Variants in GPC6 observed in about 807,000 individuals in gnomAD.
The protein encoded by GPC6 is glypican 6.
A neutral mutation model predicts 55.2 loss-of-function variants in GPC6; 14 were observed. The observed-to-expected ratio is 0.25, with a 90% CI of 0.17 to 0.40. The LOEUF (loss-of-function observed/expected upper bound fraction) is 0.40. Among genes scored for constraint, GPC6 ranks in the 10% least tolerant of loss-of-function variants. GPC6 has a pLI of 1.00. For synonymous variants in GPC6, 278 were observed against 259.6 expected (o/e 1.07, Z -0.68); for missense variants, 641 against 708.5 (o/e 0.90, Z 1.08).
intron 2 of GPC6, among the ~76,000 whole-genome samples, chr13:93,586,537 G>A (rs1387988447): frequency 6.6e-6 from 1 of 152,156 alleles, no homozygotes; most frequent in African/African-American, 2.4e-5. Flanking sequence ...TCAAAAAATG[G>A]TGCTGGGATA....
intron 1 of GPC6, among the ~76,000 whole-genome samples, chr13:93,231,397 GTA>G (rs71123471): frequency 0.022 from 1,021 of 45,628 alleles, 29 homozygotes; most frequent in Middle Eastern, 0.1. Context: ...ATATATATAT[GTA>G]TATATATATA....
intron 1 of GPC6, among the ~76,000 whole-genome samples, chr13:93,389,921 A>C (rs1320026680): frequency 6.6e-6 from 1 of 152,190 alleles, no homozygotes; most frequent in Non-Finnish European, 1.5e-5. Flanking sequence ...CAGACTTTAA[A>C]GGAATAGTGA....
At chr13:93,530,397 C>T (rs957140627) in intron 1 of GPC6, among the ~76,000 whole-genome samples, 5 of 152,104 alleles carry the variant, frequency 3.3e-5, no homozygotes, top group African/African-American at 1.2e-4. Flanking sequence ...TGTACTTTGG[C>T]AGTCAGAAAT....
At chr13:93,490,810 G>T (rs1474187377) in intron 1 of GPC6, among the ~76,000 whole-genome samples, 1 of 106,990 alleles carries the variant, frequency 9.3e-6, no homozygotes, top group Non-Finnish European at 1.9e-5. Flanking sequence ...GAGAATGATG[G>T]TTTCCAATTT....
At chr13:93,917,016 T>C (rs1171886003) in intron 3 of GPC6, among the ~76,000 whole-genome samples, 1 of 152,152 alleles carries the variant, frequency 6.6e-6, no homozygotes, top group African/African-American at 2.4e-5. Context: ...TTCCTTGTAG[T>C]TTTTCTAATT....
chr13:93,347,597 G>A (rs372581297), intron 1 of GPC6, among the ~76,000 whole-genome samples: 9 of 152,010 alleles, frequency 5.9e-5, no homozygotes, highest in Admixed American at 2.6e-4. Context: ...ATGCCCAATC[G>A]AACAAACGTG....
intron 1 of GPC6, among the ~76,000 whole-genome samples, chr13:93,384,384 G>GT (rs10640733): frequency 0.14 from 19,493 of 143,306 alleles, 1,732 homozygotes; most frequent in East Asian, 0.41. Flanking sequence ...CCTGAAAACC[G>GT]TTTTTTTTTT....
chr13:93,231,389 A>ATG (rs1876036861), intron 1 of GPC6, among the ~76,000 whole-genome samples: 2 of 20,892 alleles, frequency 9.6e-5, no homozygotes, highest in South Asian at 1.7e-3. Flanking sequence ...ACATATATAT[A>ATG]TATATATGTA....
At chr13:94,195,478 G>T (rs1889543552) in intron 4 of GPC6, among the ~76,000 whole-genome samples, 1 of 152,168 alleles carries the variant, frequency 6.6e-6, no homozygotes, top group Non-Finnish European at 1.5e-5. Flanking sequence ...TATCTAAACA[G>T]TTGATTTTCC....
At chr13:93,901,719 G>A (rs1189944123) in intron 3 of GPC6, among the ~76,000 whole-genome samples, 1 of 151,884 alleles carries the variant, frequency 6.6e-6, no homozygotes, top group African/African-American at 2.4e-5. Context: ...TGACCAACAT[G>A]GTGAAAACCC....
chr13:93,479,308 A>C (rs140494595), intron 1 of GPC6, among the ~76,000 whole-genome samples: 2 of 152,316 alleles, frequency 1.3e-5, no homozygotes, highest in East Asian at 3.9e-4. Context: ...CAAGTATAAA[A>C]TTTCTGAGCT....
At chr13:94,355,833 A>C (rs201305937) in intron 6 of GPC6, among the ~76,000 whole-genome samples, 1 of 152,268 alleles carries the variant, frequency 6.6e-6, no homozygotes, top group East Asian at 1.9e-4. Context: ...GGTTTGTTAC[A>C]TAGGTAAACG....
chr13:93,573,703 A>G (rs1325003103), intron 2 of GPC6, among the ~76,000 whole-genome samples: 2 of 152,150 alleles, frequency 1.3e-5, no homozygotes, highest in Non-Finnish European at 2.9e-5. Context: ...TCTTTTATGT[A>G]GCTTCTGGAT....
At chr13:93,578,508 A>T (rs753909461) in intron 2 of GPC6, among the ~76,000 whole-genome samples, 1 of 151,492 alleles carries the variant, frequency 6.6e-6, no homozygotes, top group Non-Finnish European at 1.5e-5. Flanking sequence ...GTCTCTAATG[A>T]TTCTTTGTAT....
chr13:93,265,680 T>C (rs1486128185), intron 1 of GPC6, among the ~76,000 whole-genome samples: 1 of 152,214 alleles, frequency 6.6e-6, no homozygotes, highest in African/African-American at 2.4e-5. Flanking sequence ...CTTACACTGG[T>C]GTATGTGTAT....
At chr13:93,690,145 A>G (rs141707246) in intron 2 of GPC6, among the ~76,000 whole-genome samples, 6 of 152,294 alleles carry the variant, frequency 3.9e-5, no homozygotes, top group Admixed American at 2.6e-4. Flanking sequence ...AATATTCACT[A>G]GAGTAAGAAT....
chr13:93,469,451 C>T (rs1879031368), intron 1 of GPC6, among the ~76,000 whole-genome samples: 1 of 152,068 alleles, frequency 6.6e-6, no homozygotes, highest in Non-Finnish European at 1.5e-5. Context: ...TCCTTTGGTT[C>T]TATTAACAAT....
chr13:94,087,269 A>G (rs1046841280), intron 4 of GPC6, among the ~76,000 whole-genome samples: 1 of 152,236 alleles, frequency 6.6e-6, no homozygotes, highest in African/African-American at 2.4e-5. Context: ...CCTGCAAGCC[A>G]TTATAAGCAT....
chr13:94,069,415 T>C (rs899716794), intron 4 of GPC6, among the ~76,000 whole-genome samples: 1 of 152,180 alleles, frequency 6.6e-6, no homozygotes, highest in Non-Finnish European at 1.5e-5. Context: ...TTCTCTGACA[T>C]ACCCTAGAGA....
Sources: gnomAD v4.1 joint callset for allele counts (sites outside exome capture counted in the v4.1 genomes callset) on GRCh38, gnomAD v4.1.1 for gene constraint, MANE v1.5 for transcripts, NCBI Gene and HGNC (gene_info 2026-07-23, HGNC 2026-07-21) for gene names.